PPP2R2A: variants seen among roughly 807,000 people sequenced by gnomAD.
PPP2R2A encodes the protein protein phosphatase 2 regulatory subunit Balpha.
Under a neutral mutation model 53.2 loss-of-function variants are expected in PPP2R2A, and 9 were observed. That is an observed-to-expected ratio of 0.17 (90% confidence interval 0.10 to 0.30). PPP2R2A has a LOEUF of 0.30. Among genes scored for constraint, PPP2R2A ranks in the 10% least tolerant of loss-of-function variants. The pLI, the probability that PPP2R2A is intolerant of heterozygous loss-of-function variation, is 1.00. For synonymous variants in PPP2R2A, 169 were observed against 174.2 expected (o/e 0.97, Z 0.23); for missense variants, 235 against 534.6 (o/e 0.44, Z 5.53).
intron 1 of PPP2R2A, chr8:26,293,448 G>T: frequency 1.4e-6 from 1 of 699,570 alleles, no homozygotes. Context: ...CAGAACATGT[G>T]CCTTTAAATA....
At chr8:26,303,404 C>T (rs549317389) in intron 2 of PPP2R2A, among the ~76,000 whole-genome samples, 4 of 152,270 alleles carry the variant, frequency 2.6e-5, no homozygotes, top group Admixed American at 6.5e-5. Context: ...TTGCCTGCCT[C>T]GTCATTAGAA....
chr8:26,334,610 T>C (rs1034406700), intron 2 of PPP2R2A, among the ~76,000 whole-genome samples: 3 of 152,024 alleles, frequency 2.0e-5, no homozygotes, highest in African/African-American at 7.2e-5. Flanking sequence ...CCGGTGGTGG[T>C]GGCAGGTGCC....
At chr8:26,334,031 TTA>T (rs1803523547) in intron 2 of PPP2R2A, among the ~76,000 whole-genome samples, 1 of 152,200 alleles carries the variant, frequency 6.6e-6, no homozygotes, top group Admixed American at 6.5e-5. Context: ...AAAAATACTC[TTA>T]TGCCTTTTAA....
At chr8:26,294,208 G>A (rs6988876) in intron 2 of PPP2R2A, among the ~76,000 whole-genome samples, 9,669 of 152,264 alleles carry the variant, frequency 0.064, 473 homozygotes, top group East Asian at 0.25. Context: ...CACTTTGGGA[G>A]TGTGATGCTG....
Position 26,294,580 on chromosome 8 carries a change from A to G in PPP2R2A, c.82+840A>G, listed in dbSNP as rs60027486. On this transcript the variant is annotated intron_variant, in intron 2 of 9. Transcript: ENST00000380737. ...TTGTGTGTCTTGAATTACAGTAGGAATTTTCCAAACAAAACTCAGATAAAT... is the reference window on the plus strand; with the variant it reads ...TTGTGTGTCTTGAATTACAGTAGGAGTTTTCCAAACAAAACTCAGATAAAT... Among the ~76,000 whole-genome samples, 697 of 152,282 alleles carry G rather than the reference A, an allele frequency of 4.6e-3. 4 individuals carry two copies. Among genetic ancestry groups the G allele is most frequent in the African/African-American group, 0.016 (661 of 41,566 alleles).
At chr8:26,333,941 A>G (rs1803516260) in intron 2 of PPP2R2A, among the ~76,000 whole-genome samples, 1 of 152,356 alleles carries the variant, frequency 6.6e-6, no homozygotes, top group African/African-American at 2.4e-5. Flanking sequence ...TTCATTCTGT[A>G]TAATAAATTA....
Position 26,371,956 on chromosome 8 carries a change from CTT to C in PPP2R2A, c.*1544_*1545del, listed in dbSNP as rs1407380269. 6.6e-6 allele frequency: 1 copy of C among 152,064 alleles called. No individual in the cohort carries two copies. The highest frequency in any genetic ancestry group is 1.5e-5 in the Non-Finnish European group (1 of 67,986). 9.4% of individuals were successfully genotyped at this position (152,064 alleles called of 1,614,324 possible). On this transcript the variant is annotated 3_prime_UTR_variant, in exon 10 of 10. Coordinates refer to ENST00000380737, the MANE Select transcript of PPP2R2A (RefSeq NM_002717.4). ...ATTTATATTATTAGAGAATGGTAGT[CTT>C]ATTTTGGTGGAACATAATGTAACAA...
chr8:26,347,908 T>A (rs1007357560), intron 3 of PPP2R2A, among the ~76,000 whole-genome samples: 4 of 152,226 alleles, frequency 2.6e-5, no homozygotes, highest in Admixed American at 6.5e-5. Flanking sequence ...TCTCTTGTGT[T>A]TATTTCATCG....
At chr8:26,346,790 C>T (rs561773190) in intron 3 of PPP2R2A, among the ~76,000 whole-genome samples, 10 of 152,302 alleles carry the variant, frequency 6.6e-5, no homozygotes, top group South Asian at 2.1e-4. Flanking sequence ...CGAACTTCAT[C>T]TGTAGTCAAT....
chr8:26,318,559 C>T (rs1183432747), intron 2 of PPP2R2A, among the ~76,000 whole-genome samples: 1 of 152,196 alleles, frequency 6.6e-6, no homozygotes, highest in Non-Finnish European at 1.5e-5. Context: ...TGATGCTCTT[C>T]TGCCTACTTT....
chr8:26,335,018 G>T (rs1803583643), intron 2 of PPP2R2A, among the ~76,000 whole-genome samples: 1 of 152,058 alleles, frequency 6.6e-6, no homozygotes, highest in South Asian at 2.1e-4. Context: ...TGTTTGTATG[G>T]CACACTGGGA....
At chr8:26,303,010 T>G (rs1206687221) in intron 2 of PPP2R2A, among the ~76,000 whole-genome samples, 4 of 152,208 alleles carry the variant, frequency 2.6e-5, no homozygotes, top group Non-Finnish European at 5.9e-5. Flanking sequence ...TTCATTTTAG[T>G]AATAATGCTT....
intron 4 of PPP2R2A, chr8:26,358,773 T>C: frequency 3.9e-6 from 1 of 257,026 alleles, no homozygotes; most frequent in Non-Finnish European, 8.3e-6. Flanking sequence ...TCAACATGCA[T>C]GAGCCTATAG....
chr8:26,343,751 T>C (rs918267349), intron 3 of PPP2R2A, among the ~76,000 whole-genome samples: 5 of 152,238 alleles, frequency 3.3e-5, no homozygotes, highest in African/African-American at 9.6e-5. Flanking sequence ...CATAATTGAG[T>C]AATATATGTT....
intron 2 of PPP2R2A, among the ~76,000 whole-genome samples, chr8:26,304,507 A>G (rs958735661): frequency 5.9e-5 from 9 of 152,208 alleles, no homozygotes; most frequent in African/African-American, 2.2e-4. Context: ...GAGCAGTGTT[A>G]CTTTTCAAAC....
In PPP2R2A at chr8:26,354,759, T is replaced by A; in HGVS notation, c.346+126T>A. The A allele has an allele frequency of 1.1e-6, 1 of 896,104 alleles. No individual in the cohort carries two copies. Among genetic ancestry groups the A allele is most frequent in the Non-Finnish European group, 1.5e-6 (1 of 662,090 alleles). 55.5% of individuals were successfully genotyped at this position (896,104 alleles called of 1,614,324 possible). A position where few individuals can be genotyped will look rare whatever the true frequency, so the allele number is the denominator to read the frequency against. ...AGGACTTTTGTTTTTCTATACAGAA[T>A]GTAAACTCTACTTTTTTACTGTCAC... On this transcript the variant is annotated intron_variant, in intron 4 of 9. Transcript: ENST00000380737. This position sits in a 1 kb window ranked among gnomAD's most constrained non-coding sequence, Gnocchi z 4.6.
chr8:26,306,793 A>G (rs572739941), intron 2 of PPP2R2A, among the ~76,000 whole-genome samples: 8 of 152,294 alleles, frequency 5.3e-5, no homozygotes, highest in African/African-American at 1.7e-4. Context: ...GCAGTAAGCC[A>G]TGATCGTGCC....
intron 2 of PPP2R2A, among the ~76,000 whole-genome samples, chr8:26,330,855 A>G (rs1172697213): frequency 2.0e-5 from 3 of 152,072 alleles, no homozygotes; most frequent in Non-Finnish European, 4.4e-5. Context: ...CATAGTTGAG[A>G]CACTTGGGAT....
rs1292528845 is a variant in PPP2R2A, at chr8:26,372,058, T to C, written c.*1645T>C. On this transcript the variant is annotated 3_prime_UTR_variant, in exon 10 of 10. Coordinates refer to ENST00000380737, the MANE Select transcript of PPP2R2A (RefSeq NM_002717.4). The stretch of plus-strand genomic sequence containing the variant: ...TCTATTCTTCAATAATGAAAAAGAA[T>C]TCAACGAGCCGACCGTGATTCCCTC... The C allele has an allele frequency of 6.6e-6, 1 of 152,212 alleles. No individual in the cohort carries two copies. The highest frequency in any genetic ancestry group is 1.5e-5 in the Non-Finnish European group (1 of 68,034). The allele number at this position is 152,212 out of a possible 1,614,324, so 9.4% of individuals were successfully genotyped here.
Sources: allele counts gnomAD v4.1 joint callset (sites outside exome capture counted in the v4.1 genomes callset), GRCh38; gene constraint gnomAD v4.1.1; non-coding constraint Gnocchi (gnomAD v3.1); transcripts MANE v1.5; gene names NCBI Gene and HGNC (gene_info 2026-07-23, HGNC 2026-07-21).